The following NXPE4 variants were observed in gnomAD, a reference collection of about 807,000 sequenced individuals.
NXPE4 encodes NXPE family member 4.
A neutral mutation model predicts 33.3 loss-of-function variants in NXPE4; 42 were observed. The observed-to-expected ratio is 1.26, with a 90% confidence interval of 0.98 to 1.63. The LOEUF (loss-of-function observed/expected upper bound fraction) is 1.63, where lower values mean the gene tolerates loss of function less well. NXPE4 is among the 40% of genes most tolerant of loss of function. The pLI, the probability that NXPE4 is intolerant of heterozygous loss-of-function variation, is 0.00. For synonymous variants in NXPE4, 253 were observed against 234.9 expected (o/e 1.08, Z -0.71); for missense variants, 709 against 647.6 (o/e 1.09, Z -1.03).
the NXPE4 span, among the ~76,000 whole-genome samples, chr11:114,638,519 C>G: frequency 6.6e-6 from 1 of 152,008 alleles, no homozygotes; most frequent in African/African-American, 2.4e-5. Flanking sequence ...GAACTGTGTT[C>G]CTTTCGAGGA....
At chr11:114,605,911 A>G in the NXPE4 span, among the ~76,000 whole-genome samples, 5 of 151,408 alleles carry the variant, frequency 3.3e-5, no homozygotes, top group African/African-American at 1.2e-4. Context: ...CCGGTTTATA[A>G]TAAGTGTTGC....
chr11:114,626,377 C>A, the NXPE4 span, among the ~76,000 whole-genome samples: 1 of 152,144 alleles, frequency 6.6e-6, no homozygotes, highest in Admixed American at 6.5e-5. Context: ...CCCTGACCCC[C>A]GAGCAGCCTA....
chr11:114,584,893 C>T (rs1949254178), intron 2 of NXPE4, among the ~76,000 whole-genome samples: 1 of 152,130 alleles, frequency 6.6e-6, no homozygotes, highest in African/African-American at 2.4e-5. Flanking sequence ...AATGCCTTGC[C>T]ACCTATCCCT....
At chr11:114,600,386 C>T (rs571513663), upstream of NXPE4, among the ~76,000 whole-genome samples, 5 of 152,210 alleles carry the variant, frequency 3.3e-5, no homozygotes, top group African/African-American at 1.2e-4. Flanking sequence ...GACCCATTTT[C>T]CTCATTCCTT....
At chr11:114,571,874 T>C (rs928758470) in intron 5 of NXPE4, among the ~76,000 whole-genome samples, 2 of 152,200 alleles carry the variant, frequency 1.3e-5, no homozygotes, top group African/African-American at 2.4e-5. Flanking sequence ...AGGGCAAGTT[T>C]CCATCCTGCC....
chr11:114,587,189 G>A (rs1488088186), intron 2 of NXPE4, among the ~76,000 whole-genome samples: 7 of 152,082 alleles, frequency 4.6e-5, no homozygotes, highest in African/African-American at 1.2e-4. Flanking sequence ...TCAACAATGA[G>A]GGGAAAAAGG....
upstream of NXPE4, among the ~76,000 whole-genome samples, chr11:114,599,535 G>T (rs1276756223): frequency 1.3e-5 from 2 of 152,118 alleles, no homozygotes; most frequent in Non-Finnish European, 2.9e-5. Flanking sequence ...AAAAATATTT[G>T]AGACTGGGTA....
the NXPE4 span, among the ~76,000 whole-genome samples, chr11:114,625,406 C>A: frequency 6.6e-6 from 1 of 152,144 alleles, no homozygotes; most frequent in African/African-American, 2.4e-5. Flanking sequence ...TAAGTATTGC[C>A]TCATGGGCAA....
At chr11:114,620,548 C>G in the NXPE4 span, among the ~76,000 whole-genome samples, 2 of 151,874 alleles carry the variant, frequency 1.3e-5, no homozygotes, top group Non-Finnish European at 2.9e-5. Context: ...AGTGTTGCCT[C>G]TAGGGTAACC....
intron 5 of NXPE4, among the ~76,000 whole-genome samples, chr11:114,574,106 A>G (rs1282950939): frequency 2.6e-5 from 4 of 152,278 alleles, no homozygotes; most frequent in East Asian, 3.9e-4. Flanking sequence ...CTGCTCTTGA[A>G]TGATCATTGA....
At chr11:114,638,753 A>T in the NXPE4 span, among the ~76,000 whole-genome samples, 6 of 152,070 alleles carry the variant, frequency 3.9e-5, no homozygotes, top group African/African-American at 9.6e-5. Context: ...TGCCTGGGTA[A>T]CAGCAGCAGT....
the NXPE4 span, among the ~76,000 whole-genome samples, chr11:114,635,808 A>G: frequency 6.6e-6 from 1 of 152,070 alleles, no homozygotes; most frequent in Non-Finnish European, 1.5e-5. Context: ...CATCCCAGGG[A>G]TGAAGCCCAC....
rs1028019069 is a variant in NXPE4, at chr11:114,582,878, A to G, written c.240T>C (p.Asp80=). The G allele has an allele frequency of 1.2e-6, 2 of 1,613,946 alleles. No individual in the cohort carries two copies. Among genetic ancestry groups the G allele is most frequent in the Admixed American group, 1.7e-5 (1 of 59,992 alleles). ...TGAAAGGTCTGGGTGGGATCTGCTG[A>G]TCTAGTTTCTCTATGATTTCCTTTA... is the stretch of plus-strand genomic sequence containing the variant. ...LRIKEIIEKL[D]QQIPPRPFTH... The change falls in exon 3 of 6, where the codon GAT becomes GAC. Residue 80 remains aspartate, a synonymous_variant. Transcript: ENST00000375478.
chr11:114,621,994 G>A, the NXPE4 span, among the ~76,000 whole-genome samples: 22 of 151,776 alleles, frequency 1.4e-4, no homozygotes, highest in Non-Finnish European at 2.8e-4. Context: ...ACTGTTAACC[G>A]GTGGATAATA....
chr11:114,644,908 G>T, the NXPE4 span, among the ~76,000 whole-genome samples: 8 of 151,490 alleles, frequency 5.3e-5, no homozygotes, highest in Admixed American at 2.0e-4. Context: ...TAAAAGCGCA[G>T]AACTCAATCT....
the NXPE4 span, among the ~76,000 whole-genome samples, chr11:114,662,653 G>C: frequency 6.6e-6 from 1 of 152,072 alleles, no homozygotes; most frequent in Non-Finnish European, 1.5e-5. Flanking sequence ...CTTTGCTTGA[G>C]GGGAGGAGAG....
the NXPE4 span, among the ~76,000 whole-genome samples, chr11:114,638,632 A>G: frequency 1.3e-5 from 2 of 151,842 alleles, 1 homozygote; most frequent in Non-Finnish European, 2.9e-5. Context: ...TGATGTACAG[A>G]TAGGTTTTTG....
At chr11:114,583,568 C>T (rs779317854) in intron 2 of NXPE4, 3 of 595,782 alleles carry the variant, frequency 5.0e-6, no homozygotes, top group Non-Finnish European at 1.0e-5. Flanking sequence ...ATTTGATGGC[C>T]TGTTTGACTT....
the NXPE4 span, among the ~76,000 whole-genome samples, chr11:114,662,973 G>C: frequency 1.3e-5 from 2 of 152,150 alleles, no homozygotes; most frequent in Non-Finnish European, 2.9e-5. Context: ...AGCCACAATG[G>C]AGGAGAGCAA....
Sources: gnomAD v4.1 joint callset for allele counts (sites outside exome capture counted in the v4.1 genomes callset) on GRCh38, gnomAD v4.1.1 for gene constraint, MANE v1.5 for transcripts, NCBI Gene and HGNC (gene_info 2026-07-23, HGNC 2026-07-21) for gene names.